The following SHC4 variants were observed in gnomAD, a reference collection of about 807,000 sequenced individuals.
SHC4 encodes SHC-transforming protein 4.
SHC4 carries 41 observed loss-of-function variants against 69.4 expected under a neutral mutation model. That is an observed-to-expected ratio of 0.59 (90% CI 0.46 to 0.77). The LOEUF is 0.77. SHC4 is among the 30% of genes least tolerant of loss of function. The probability of loss-of-function intolerance (pLI) is 0.00; values close to 1 mark genes in which losing one functional copy is unlikely to be tolerated. For missense variants in SHC4, 777 were observed against 783.8 expected, an observed-to-expected ratio of 0.99 and a Z score of 0.10; for synonymous variants, 318 against 299.3, an observed-to-expected ratio of 1.06 and a Z score of -0.64.
rs533544883 is a variant in SHC4, at chr15:48,894,039, A to C, written c.657-3228T>G. On this transcript the variant is annotated intron_variant, in intron 2 of 11. Transcript: ENST00000332408. ...GGGATAGCATTGAGTATATAAGTAA[A>C]AGAAACACTTCAAGTAAGAAACCAA... Among the ~76,000 whole-genome samples, 5 of 152,350 alleles carry C rather than the reference A, an allele frequency of 3.3e-5. No individual in the cohort carries two copies. In the East Asian group the frequency reaches 9.7e-4, roughly 30 times the overall value.
chr15:48,827,054 T>C (rs555499370), intron 11 of SHC4, among the ~76,000 whole-genome samples: 37 of 152,262 alleles, frequency 2.4e-4, no homozygotes, highest in African/African-American at 8.7e-4. Flanking sequence ...TTACTATCCA[T>C]TGTGGCTCTA....
chr15:48,873,367 G>A (rs1042506511), intron 4 of SHC4, among the ~76,000 whole-genome samples: 4 of 152,084 alleles, frequency 2.6e-5, no homozygotes, highest in East Asian at 1.9e-4. Context: ...TAATTATTAC[G>A]GACTTATTAT....
chr15:48,899,492 TAAAC>T (rs756730744), intron 2 of SHC4, among the ~76,000 whole-genome samples: 25 of 151,698 alleles, frequency 1.6e-4, no homozygotes, highest in African/African-American at 2.4e-4. Flanking sequence ...AATAAATAAA[TAAAC>T]AAACAGTAAA....
chr15:48,932,137 C>A (rs1435931192), intron 1 of SHC4, among the ~76,000 whole-genome samples: 1 of 152,018 alleles, frequency 6.6e-6, no homozygotes, highest in Non-Finnish European at 1.5e-5. Context: ...GTGCAGCCAG[C>A]ACATTACTAA....
rs1567063815 is a variant in SHC4 at position 48,895,791 on chromosome 15, A to G, written c.657-4980T>C. ...TTGTGCTTATGAACTTGCTTTAAAA[A>G]GTAATAATTAGCCAGGCACAGTGGC... On this transcript the variant is annotated intron_variant, in intron 2 of 11. Transcript: ENST00000332408. Among the ~76,000 whole-genome samples the G allele has an allele frequency of 3.3e-5, 5 of 152,252 alleles. No individual in the cohort carries two copies. The South Asian group carries it at 1.0e-3, about 31-fold the overall frequency.
intron 2 of SHC4, among the ~76,000 whole-genome samples, chr15:48,910,095 T>A (rs1285391891): frequency 6.7e-6 from 1 of 148,648 alleles, no homozygotes; most frequent in Admixed American, 6.7e-5. Context: ...GGTATGCTTC[T>A]TTCTCTATAT....
chr15:48,946,894 T>A (rs1448291630), intron 1 of SHC4, among the ~76,000 whole-genome samples: 1 of 152,176 alleles, frequency 6.6e-6, no homozygotes, highest in Non-Finnish European at 1.5e-5. Flanking sequence ...TAACATTTTT[T>A]AAAACTCACC....
chr15:48,858,119 T>A (rs964524043), intron 6 of SHC4, among the ~76,000 whole-genome samples: 3 of 152,200 alleles, frequency 2.0e-5, no homozygotes, highest in Non-Finnish European at 4.4e-5. Context: ...GACTAATGTT[T>A]AACTGCTAGC....
intron 1 of SHC4, among the ~76,000 whole-genome samples, chr15:48,941,978 A>G (rs1271590204): frequency 6.6e-6 from 1 of 152,162 alleles, no homozygotes; most frequent in African/African-American, 2.4e-5. Flanking sequence ...ATTCTCATTT[A>G]TAAATGAGAA....
At chr15:48,880,536 GA>G (rs1012533092) in intron 4 of SHC4, among the ~76,000 whole-genome samples, 1 of 146,556 alleles carries the variant, frequency 6.8e-6, no homozygotes, top group African/African-American at 2.5e-5. Context: ...TAAACTCTTG[GA>G]AAAAAAAATC....
At position 48,888,882 on chromosome 15, in the gene SHC4, C is replaced by CAAA. The variant is rs36036782; in HGVS notation, c.720+1863_720+1865dup. Among the ~76,000 whole-genome samples the CAAA allele has an allele frequency of 4.2e-3, 370 of 89,066 alleles. 2 individuals carry two copies. The highest frequency in any genetic ancestry group is 0.015 in the African/African-American group (361 of 23,840). 58.4% of individuals were successfully genotyped at this position (89,066 alleles called of 152,430 possible). A position where few individuals can be genotyped will look rare whatever the true frequency, so the allele number is the denominator to read the frequency against. On this transcript the variant is annotated intron_variant, in intron 3 of 11. Coordinates refer to ENST00000332408, the MANE Select transcript of SHC4 (RefSeq NM_203349.4). Reference sequence around the variant, plus strand: ...AGCCTGGGTGACAGAGTGAAACTGTCAAAAAAAAAAAAAAAAAAAAAGTTA... The same window carrying CAAA: ...AGCCTGGGTGACAGAGTGAAACTGTCAAAAAAAAAAAAAAAAAAAAAAAAGTTA...
chr15:48,872,203 C>G, intron 4 of SHC4, 61 bp from the exon 5 acceptor site: 1 of 1,029,184 alleles, frequency 9.7e-7, no homozygotes, highest in Non-Finnish European at 1.4e-6. Context: ...TATATACAGT[C>G]TAACAGTAAT....
At chr15:48,834,631 T>A (rs1898866007) in intron 11 of SHC4, 138 bp downstream of exon 11, 1 of 1,279,638 alleles carries the variant, frequency 7.8e-7, no homozygotes, top group African/African-American at 1.5e-5. Flanking sequence ...AGTTAGCATG[T>A]CCTGCTCCAG....
chr15:48,923,102 C>G (rs1215301511), intron 2 of SHC4, among the ~76,000 whole-genome samples: 1 of 152,050 alleles, frequency 6.6e-6, no homozygotes, highest in Non-Finnish European at 1.5e-5. Flanking sequence ...GAGGAAATAC[C>G]AAGGATAGAC....
At position 48,924,481 on chromosome 15, in the gene SHC4, C is replaced by T. The variant is rs77036732; in HGVS notation, c.656+398G>A. ...CAGACAAGGAGTAAGCAGTTTCTCACGTCAGGAAGAGCTTGGGGAAAGCTT... is the reference window on the plus strand; with the variant it reads ...CAGACAAGGAGTAAGCAGTTTCTCATGTCAGGAAGAGCTTGGGGAAAGCTT... On this transcript the variant is annotated intron_variant, in intron 2 of 11. Coordinates refer to ENST00000332408, the MANE Select transcript of SHC4 (RefSeq NM_203349.4). Among the ~76,000 whole-genome samples, 416 of 152,326 alleles carry T rather than the reference C, an allele frequency of 2.7e-3. 19 individuals are homozygous for T. In the East Asian group the frequency reaches 0.073, roughly 27 times the overall value.
At chr15:48,941,182 G>A (rs193225017) in intron 1 of SHC4, among the ~76,000 whole-genome samples, 2 of 152,298 alleles carry the variant, frequency 1.3e-5, no homozygotes, top group East Asian at 3.9e-4. Context: ...TGTACAAAGC[G>A]AATCAGAAGA....
intron 4 of SHC4, among the ~76,000 whole-genome samples, chr15:48,875,410 T>G (rs1899779607): frequency 6.6e-6 from 1 of 152,254 alleles, no homozygotes; most frequent in South Asian, 2.1e-4. Flanking sequence ...AGTCCTTTAC[T>G]ATTGATGAAG....
At chr15:48,848,265 C>G (rs79838307) in intron 9 of SHC4, among the ~76,000 whole-genome samples, 3 of 152,030 alleles carry the variant, frequency 2.0e-5, no homozygotes, top group African/African-American at 7.2e-5. Flanking sequence ...GGTTCCTCAC[C>G]GGAACTCAGA....
At chr15:48,827,038 T>A (rs1898702140) in intron 11 of SHC4, among the ~76,000 whole-genome samples, 1 of 152,194 alleles carries the variant, frequency 6.6e-6, no homozygotes, top group African/African-American at 2.4e-5. Context: ...AGACAGAAGC[T>A]GTACATTACT....
Sources: gnomAD v4.1 joint callset for allele counts (sites outside exome capture counted in the v4.1 genomes callset) on GRCh38, gnomAD v4.1.1 for gene constraint, MANE v1.5 for transcripts, NCBI Gene and HGNC (gene_info 2026-07-23, HGNC 2026-07-21) for gene names.